TAP2: variants seen among roughly 807,000 people sequenced by gnomAD.
TAP2 encodes the protein antigen peptide transporter 2.
In TAP2, 49 loss-of-function variants were observed where a neutral mutation model predicts 74.7. That is an observed-to-expected ratio of 0.66 (90% CI 0.52 to 0.83). TAP2 has a LOEUF of 0.83. TAP2 is among the 40% of genes least tolerant of loss of function. TAP2 has a pLI of 0.00. For synonymous variants in TAP2, 306 were observed against 368.4 expected (o/e 0.83, Z 1.94); for missense variants, 739 against 859.0 (o/e 0.86, Z 1.75).
chr6:32,834,361 C>T (rs78738489), intron 5 of TAP2, among the ~76,000 whole-genome samples: 3,017 of 152,274 alleles, frequency 0.02, 60 homozygotes, highest in East Asian at 0.054. Flanking sequence ...GAAGACATTA[C>T]GCTAAGTAAA....
At chr6:32,837,680 A>T in intron 2 of TAP2, 29 bp from the exon 3 acceptor site, 1 of 1,614,110 alleles carries the variant, frequency 6.2e-7, no homozygotes, top group Non-Finnish European at 8.5e-7. Context: ...ATAACACAAG[A>T]ATGTGCTGGT....
Position 32,830,303 on chromosome 6 carries a change from G to A in TAP2, c.1599C>T (p.Pro533=), listed in dbSNP as rs1346893138. The A allele has an allele frequency of 6.2e-7, 1 of 1,612,946 alleles. No homozygotes were observed. Among genetic ancestry groups the A allele is most frequent in the East Asian group, 2.2e-5 (1 of 44,898 alleles). ...GGTAGCAGTGTTCATACTGTGAGATGGGCTTTTCATCCAGCAGCACCTGTC... is the reference window on the plus strand; with the variant it reads ...GGTAGCAGTGTTCATACTGTGAGATAGGCTTTTCATCCAGCAGCACCTGTC... ...TGGQVLLDEK[P]ISQYEHCYLH... Residue 533 remains proline, a synonymous_variant, in exon 9 of 12, where the codon CCC becomes CCT. Coordinates refer to ENST00000374897, the MANE Select transcript of TAP2 (RefSeq NM_001290043.2).
chr6:32,831,679 C>A (rs145382023), intron 7 of TAP2, among the ~76,000 whole-genome samples: 1,626 of 152,268 alleles, frequency 0.011, 28 homozygotes, highest in African/African-American at 0.03. Context: ...ACAGGACAAA[C>A]AACCTATTTC....
In TAP2 at chr6:32,830,638, G is replaced by A; in HGVS notation, c.1441C>T (p.Pro481Ser). Residue 481 changes from proline to serine, a missense_variant, in exon 8 of 12, where the codon CCT becomes TCT. Physicochemically the swap from Pro to Ser is moderately conservative, Grantham distance 74. Transcript: ENST00000374897. Reference protein sequence around the residue: ...QDVSFAYPNRPDRPVLKGLTF... With the variant: ...QDVSFAYPNRSDRPVLKGLTF... ...GGCACCTTGAGCACAGGCCTGTCAG[G>A]GCGATTGGGATATGCAAAGGAGACG... 6.2e-7 allele frequency: 1 copy of A among 1,613,092 alleles called. No individual in the cohort carries two copies. Among genetic ancestry groups the A allele is most frequent in the Non-Finnish European group, 8.5e-7 (1 of 1,180,030 alleles).
Position 32,828,851 on chromosome 6 carries a change from G to A in TAP2, c.*55C>T. ...TGAGAAGAGGGCCCAGTATCCCTGG[G>A]GCCTCAGTCCATCAGCCGCTGCTGC... On this transcript the variant is annotated 3_prime_UTR_variant, in exon 12 of 12. Transcript: ENST00000374897. 6.6e-7 allele frequency: 1 copy of A among 1,517,054 alleles called. No homozygotes were observed. The highest frequency in any genetic ancestry group is 8.9e-7 in the Non-Finnish European group (1 of 1,125,410). 94.0% of individuals were successfully genotyped at this position (1,517,054 alleles called of 1,614,324 possible). A position where few individuals can be genotyped will look rare whatever the true frequency, so the allele number is the denominator to read the frequency against.
chr6:32,835,372 G>A lies in TAP2; in HGVS notation c.740-13C>T, dbSNP rs750773202. The A allele has an allele frequency of 2.5e-6, 4 of 1,613,030 alleles. No individual in the cohort carries two copies. The highest frequency in any genetic ancestry group is 3.4e-6 in the Non-Finnish European group (4 of 1,180,008). ...GAGTTCAGCTCCCCTAAGAAGGACA[G>A]AGCAGGTGAGGAAAAAGGAAACCAT... On this transcript the variant is annotated splice_polypyrimidine_tract_variant and intron_variant, in intron 4 of 11. Transcript: ENST00000374897. The surrounding 1 kb of genome is among the most constrained non-coding windows in gnomAD (Gnocchi z 4.0).
chr6:32,834,487 G>A (rs190647026), intron 5 of TAP2, among the ~76,000 whole-genome samples: 2 of 152,326 alleles, frequency 1.3e-5, no homozygotes, highest in East Asian at 1.9e-4. Context: ...GCCAGGGGTT[G>A]GGGGTAGTAG....
At chr6:32,834,326 A>G (rs1203849889) in intron 5 of TAP2, among the ~76,000 whole-genome samples, 1 of 152,256 alleles carries the variant, frequency 6.6e-6, no homozygotes, top group African/African-American at 2.4e-5. Flanking sequence ...AAATTCTAAC[A>G]CATGCTACAA....
chr6:32,832,976 G>T lies in TAP2; in HGVS notation c.946-152C>A. On this transcript the variant is annotated intron_variant, in intron 5 of 11. Coordinates refer to ENST00000374897, the MANE Select transcript of TAP2 (RefSeq NM_001290043.2). The surrounding 1 kb of genome is among the most constrained non-coding windows in gnomAD (Gnocchi z 5.9). ...TTACTCTTCTTTCCAGAAGGAATAA[G>T]AGTGAAGGAGCAAGGGAACAAAATA... 2 of 907,654 alleles carry T rather than the reference G, an allele frequency of 2.2e-6. No homozygotes were observed. Among genetic ancestry groups the T allele is most frequent in the Non-Finnish European group, 3.4e-6 (2 of 582,594 alleles). The allele number at this position is 907,654 out of a possible 1,614,324, so 56.2% of individuals were successfully genotyped here.
Position 32,835,627 on chromosome 6 carries a change from G to A in TAP2, c.739+16C>T, listed in dbSNP as rs751928530. 1 of 1,613,034 alleles carries A rather than the reference G, an allele frequency of 6.2e-7. No homozygotes were observed. Among genetic ancestry groups the A allele is most frequent in the South Asian group, 1.1e-5 (1 of 91,086 alleles). Reference sequence around the variant, plus strand: ...GGATGTCCATGGGAATCTCAGACCTGGACTCCAGGCCCCACCTGTCTTAGT... The same window carrying A: ...GGATGTCCATGGGAATCTCAGACCTAGACTCCAGGCCCCACCTGTCTTAGT... On this transcript the variant is annotated intron_variant, in intron 4 of 11. Transcript: ENST00000374897. The surrounding 1 kb of genome is among the most constrained non-coding windows in gnomAD (Gnocchi z 4.0).
rs573005983 is a variant in TAP2, at chr6:32,832,683, G to A, written c.1087C>T (p.Arg363Trp). 6.3e-5 allele frequency: 101 copies of A among 1,612,920 alleles called. No individual in the cohort carries two copies. The highest frequency in any genetic ancestry group is 8.2e-5 in the Non-Finnish European group (97 of 1,180,042). ...CRYKEALEQC[R>W]QLYWRRDLER... is the part of the protein sequence containing the mutation. ...AGGTCTCTCCGCCAATACAGCTGCCGACATTGTTCAAGGGCCTCTTTATAG... is the reference window on the plus strand; with the variant it reads ...AGGTCTCTCCGCCAATACAGCTGCCAACATTGTTCAAGGGCCTCTTTATAG... The change falls in exon 6 of 12, where the codon CGG becomes TGG. Residue 363 changes from arginine to tryptophan, a missense_variant. By Grantham distance (101) the Arg-to-Trp change is moderately radical. Transcript: ENST00000374897. The surrounding 1 kb of genome is among the most constrained non-coding windows in gnomAD (Gnocchi z 5.9).
rs767066794 is a variant in TAP2, at chr6:32,837,906, C to T, written c.328G>A (p.Gly110Arg). 5.0e-6 allele frequency: 8 copies of T among 1,613,016 alleles called. No individual in the cohort carries two copies. The highest frequency in any genetic ancestry group is 5.1e-6 in the Non-Finnish European group (6 of 1,180,000). ...ACAGCCCACAGTGACCAGCTGAGCC[C>T]CGCAGCCCCGTACCCCACCAGCAGC... Reference protein sequence around the residue: ...SWLLVGYGAAGLSWSLWAVLS... With the variant: ...SWLLVGYGAARLSWSLWAVLS... The change falls in exon 2 of 12, where the codon GGG (glycine) becomes AGG (arginine). Residue 110 changes from glycine to arginine, a missense_variant. Physicochemically the swap from Gly to Arg is moderately radical, Grantham distance 125 (BLOSUM62 -2). Coordinates refer to ENST00000374897, the MANE Select transcript of TAP2 (RefSeq NM_001290043.2).
chr6:32,828,525 T>G lies in TAP2; in HGVS notation c.*381A>C, dbSNP rs1768801284. On this transcript the variant is annotated 3_prime_UTR_variant, in exon 12 of 12. Transcript: ENST00000374897. ...GTACTTTTACTTTTCTTCTTTGTAC[T>G]TTTTTATATTGTCTAAATTTTCTAT... 2 of 977,512 alleles carry G rather than the reference T, an allele frequency of 2.0e-6. No homozygotes were observed. Among genetic ancestry groups the G allele is most frequent in the African/African-American group, 3.5e-5 (2 of 57,192 alleles). The allele number at this position is 977,512 out of a possible 1,614,324, so 60.6% of individuals were successfully genotyped here. A position where few individuals can be genotyped will look rare whatever the true frequency, so the allele number is the denominator to read the frequency against.
At position 32,838,120 on chromosome 6, in the gene TAP2, T is replaced by C. The variant is rs1769558869; in HGVS notation, c.114A>G (p.Leu38=). The stretch of plus-strand genomic sequence containing the variant: ...CCAGCCGCAGGGTCCCCTCCAGCCA[T>C]AGTCCTGGCAGCCCTTGAGGAAGCA... The part of the protein sequence containing the change: ...GTLLPQGLPG[L]WLEGTLRLGG... The change falls in exon 2 of 12, where the codon CTA becomes CTG. Residue 38 remains leucine, a synonymous_variant. Transcript: ENST00000374897. 6.2e-7 allele frequency: 1 copy of C among 1,610,474 alleles called. No homozygotes were observed. The highest frequency in any genetic ancestry group is 8.5e-7 in the Non-Finnish European group (1 of 1,178,752).
chr6:32,826,526 T>G lies in TAP2; in HGVS notation c.*2380A>C. On this transcript the variant is annotated 3_prime_UTR_variant, in exon 12 of 12. Coordinates refer to ENST00000374897, the MANE Select transcript of TAP2 (RefSeq NM_001290043.2). The stretch of plus-strand genomic sequence containing the variant: ...TCTGTGGTTCCCAGACAAACCACAC[T>G]TACAGGAATTTGTCTGTCTAGCCCG... The G allele has an allele frequency of 3.0e-6, 3 of 985,390 alleles. No individual in the cohort carries two copies. The highest frequency in any genetic ancestry group is 1.1e-4 in the East Asian group (1 of 8,808). 61.0% of individuals were successfully genotyped at this position (985,390 alleles called of 1,614,324 possible).
intron 10 of TAP2, among the ~76,000 whole-genome samples, 160 bp downstream of exon 10, chr6:32,829,770 G>A (rs1016824451): frequency 6.6e-6 from 1 of 152,188 alleles, no homozygotes; most frequent in African/African-American, 2.4e-5. Flanking sequence ...TCAAGAGGGA[G>A]GCTGAAGAAT....
Position 32,830,327 on chromosome 6 carries a change from T to G in TAP2, c.1575A>C (p.Gly525=), listed in dbSNP as rs747352571. The part of the protein sequence containing the change: ...LLQNLYQPTG[G]QVLLDEKPIS... The stretch of plus-strand genomic sequence containing the variant: ...TGGGCTTTTCATCCAGCAGCACCTG[T>G]CCCCCTGTGGGCTGGTACAGATTCT... Residue 525 remains glycine (G), a synonymous_variant, in exon 9 of 12, where the codon GGA becomes GGC. Coordinates refer to ENST00000374897, the MANE Select transcript of TAP2 (RefSeq NM_001290043.2). The G allele has an allele frequency of 9.3e-6, 15 of 1,612,910 alleles. No homozygotes were observed. Among genetic ancestry groups the G allele is most frequent in the Non-Finnish European group, 1.3e-5 (15 of 1,180,018 alleles).
In TAP2 at chr6:32,832,892, A is replaced by G. The variant is rs908558745; in HGVS notation, c.946-68T>C. Reference sequence around the variant, plus strand: ...ACAGCAGGCCCCCACATCTTACTCCAGCCAGTGAGATGCTCCCTAGTCTAC... The same window carrying G: ...ACAGCAGGCCCCCACATCTTACTCCGGCCAGTGAGATGCTCCCTAGTCTAC... On this transcript the variant is annotated intron_variant, in intron 5 of 11. Transcript: ENST00000374897. The surrounding 1 kb of genome is among the most constrained non-coding windows in gnomAD (Gnocchi z 5.9). The G allele has an allele frequency of 6.5e-6, 10 of 1,530,442 alleles. No individual in the cohort carries two copies. Among genetic ancestry groups the G allele is most frequent in the African/African-American group, 1.4e-5 (1 of 73,504 alleles). 94.8% of individuals were successfully genotyped at this position (1,530,442 alleles called of 1,614,324 possible).
chr6:32,832,503 A>G lies in TAP2; in HGVS notation c.1144-42T>C, dbSNP rs1256584261. 3.7e-6 allele frequency: 6 copies of G among 1,611,014 alleles called. No homozygotes were observed. The Admixed American group carries it at 1.0e-4, about 27-fold the overall frequency. ...AAGAGATGAGGCTGGGAATCTTCCC[A>G]TTCTTTCCCCCTCTCTGCCTCTATG... On this transcript the variant is annotated intron_variant, in intron 6 of 11. Coordinates refer to ENST00000374897, the MANE Select transcript of TAP2 (RefSeq NM_001290043.2). The surrounding 1 kb of genome is among the most constrained non-coding windows in gnomAD (Gnocchi z 5.9).
Sources: gnomAD v4.1 joint callset for allele counts (sites outside exome capture counted in the v4.1 genomes callset) on GRCh38, gnomAD v4.1.1 for gene constraint, Gnocchi (gnomAD v3.1) non-coding constraint, MANE v1.5 for transcripts, NCBI Gene and HGNC (gene_info 2026-07-23, HGNC 2026-07-21) for gene names.